NTNG1: variants seen among roughly 807,000 people sequenced by gnomAD.
The protein encoded by NTNG1 is netrin G1, also known as netrin-G1.
NTNG1 carries 16 observed loss-of-function variants against 54.0 expected under a neutral mutation model. That is an observed-to-expected ratio of 0.30 (90% CI 0.20 to 0.45). The LOEUF (loss-of-function observed/expected upper bound fraction) is 0.45. Among genes scored for constraint, NTNG1 ranks in the 20% least tolerant of loss-of-function variants. The probability of loss-of-function intolerance (pLI) is 1.00; values close to 1 mark genes in which losing one functional copy is unlikely to be tolerated. For missense variants in NTNG1, 530 were observed against 678.7 expected (o/e 0.78, Z 2.43); for synonymous variants, 255 against 263.1 (o/e 0.97, Z 0.30).
chr1:107,447,181 A>T (rs1352615927), intron 7 of NTNG1, among the ~76,000 whole-genome samples: 1 of 152,120 alleles, frequency 6.6e-6, no homozygotes, highest in African/African-American at 2.4e-5. Context: ...TAAGACATAC[A>T]TTTAGGCCTC....
At position 107,467,612 on chromosome 1, in the gene NTNG1, A is replaced by C. The variant is rs191855196; in HGVS notation, c.1391-12999A>C. 7.0e-3 allele frequency among the ~76,000 whole-genome samples: 1,063 copies of C among 152,284 alleles called. 7 individuals are homozygous for C. Among genetic ancestry groups the C allele is most frequent in the Non-Finnish European group, 0.011 (727 of 68,014 alleles). ...ATTGAAATCCAGACTTCTGGACACCACCACAGTAAATGATCAAGTACTAAA... is the reference window on the plus strand; with the variant it reads ...ATTGAAATCCAGACTTCTGGACACCCCCACAGTAAATGATCAAGTACTAAA... On this transcript the variant is annotated intron_variant, in intron 7 of 7. Coordinates refer to ENST00000370068, the MANE Select transcript of NTNG1 (RefSeq NM_001113226.3).
At chr1:107,177,961 T>G (rs879579995) in intron 2 of NTNG1, among the ~76,000 whole-genome samples, 2 of 152,138 alleles carry the variant, frequency 1.3e-5, no homozygotes, top group Admixed American at 1.3e-4. Context: ...ACCCTCCCAT[T>G]ATAGTAAGTT....
chr1:107,435,988 G>A (rs1213160660), intron 6 of NTNG1, among the ~76,000 whole-genome samples: 1 of 152,112 alleles, frequency 6.6e-6, no homozygotes, highest in Non-Finnish European at 1.5e-5. Flanking sequence ...GTATTGTCCT[G>A]CCAGCAGACA....
At chr1:107,310,039 A>G (rs952232655) in intron 2 of NTNG1, among the ~76,000 whole-genome samples, 1 of 152,158 alleles carries the variant, frequency 6.6e-6, no homozygotes, top group African/African-American at 2.4e-5. Flanking sequence ...ATGAAATGAC[A>G]AATAGAAAGC....
In NTNG1 at chr1:107,148,509, GTA is replaced by G; in HGVS notation, c.-77_-76del. The G allele has an allele frequency of 8.1e-7, 1 of 1,234,992 alleles. No individual in the cohort carries two copies. The highest frequency in any genetic ancestry group is 2.3e-5 in the East Asian group (1 of 43,022). 76.5% of individuals were successfully genotyped at this position (1,234,992 alleles called of 1,614,324 possible). On this transcript the variant is annotated 5_prime_UTR_variant, in exon 2 of 8. The change creates a new upstream start codon in the 5' untranslated region. Coordinates refer to ENST00000370068, the MANE Select transcript of NTNG1 (RefSeq NM_001113226.3). ...TACCCGTACGCATACATACATATGT[GTA>G]TATATATGTAAACTAGACAAAGATC...
At chr1:107,335,421 G>A (rs1005547424) in intron 3 of NTNG1, among the ~76,000 whole-genome samples, 1 of 151,922 alleles carries the variant, frequency 6.6e-6, no homozygotes, top group African/African-American at 2.4e-5. Context: ...GAGGAGACAT[G>A]GAAACAGGCA....
chr1:107,166,771 T>C (rs1016172432), intron 2 of NTNG1, among the ~76,000 whole-genome samples: 16 of 152,054 alleles, frequency 1.1e-4, no homozygotes, highest in African/African-American at 3.9e-4. Flanking sequence ...CTTAATAACA[T>C]ACCAGACCCT....
intron 2 of NTNG1, among the ~76,000 whole-genome samples, chr1:107,200,328 C>A (rs1441888276): frequency 6.6e-6 from 1 of 151,828 alleles, no homozygotes; most frequent in East Asian, 1.9e-4. Flanking sequence ...TATAACATTT[C>A]TTGTTAATAA....
At chr1:107,380,822 T>C (rs1671598962) in intron 3 of NTNG1, among the ~76,000 whole-genome samples, 2 of 152,178 alleles carry the variant, frequency 1.3e-5, no homozygotes, top group Admixed American at 1.3e-4. Flanking sequence ...AAGAAGCTCA[T>C]AGTCCTGGTT....
At chr1:107,409,732 C>A (rs1003732242) in intron 5 of NTNG1, 12 of 152,108 alleles carry the variant, frequency 7.9e-5, no homozygotes, top group African/African-American at 2.7e-4. Flanking sequence ...TGGGTATTTT[C>A]TCAGATTTCC....
intron 3 of NTNG1, among the ~76,000 whole-genome samples, chr1:107,377,878 G>C (rs748007584): frequency 5.9e-5 from 9 of 152,172 alleles, no homozygotes; most frequent in Non-Finnish European, 1.3e-4. Flanking sequence ...TATTTCACAG[G>C]ATCAGGGCAT....
chr1:107,459,769 C>A (rs542282323), intron 7 of NTNG1, among the ~76,000 whole-genome samples: 1 of 152,234 alleles, frequency 6.6e-6, no homozygotes, highest in African/African-American at 2.4e-5. Flanking sequence ...GTTGCTCAAA[C>A]GAGCTGTCCC....
At chr1:107,479,161 G>A (rs1322337279) in intron 7 of NTNG1, among the ~76,000 whole-genome samples, 1 of 152,180 alleles carries the variant, frequency 6.6e-6, no homozygotes, top group Non-Finnish European at 1.5e-5. Flanking sequence ...GGTCACCAAG[G>A]AAATGTTGAG....
At chr1:107,197,530 G>C (rs1658431557) in intron 2 of NTNG1, among the ~76,000 whole-genome samples, 1 of 151,946 alleles carries the variant, frequency 6.6e-6, no homozygotes, top group Non-Finnish European at 1.5e-5. Flanking sequence ...ATATGGAAGG[G>C]TCTTCAGATG....
intron 7 of NTNG1, among the ~76,000 whole-genome samples, chr1:107,438,639 A>G (rs1675758985): frequency 6.6e-6 from 1 of 152,192 alleles, no homozygotes; most frequent in Non-Finnish European, 1.5e-5. Context: ...AAGATCTCAT[A>G]TAAAGCTCCT....
intron 5 of NTNG1, among the ~76,000 whole-genome samples, chr1:107,423,222 T>A (rs1001553028): frequency 3.3e-5 from 5 of 152,138 alleles, no homozygotes; most frequent in African/African-American, 1.2e-4. Context: ...ACATATATAG[T>A]ATTTTTTCTA....
chr1:107,397,797 A>G (rs2101100546), intron 4 of NTNG1, among the ~76,000 whole-genome samples: 1 of 151,316 alleles, frequency 6.6e-6, no homozygotes, highest in African/African-American at 2.4e-5. Flanking sequence ...TTTCTTCCCC[A>G]GATTAACCAT....
chr1:107,299,558 C>T (rs1666197776), intron 2 of NTNG1, among the ~76,000 whole-genome samples: 1 of 152,150 alleles, frequency 6.6e-6, no homozygotes. Flanking sequence ...AGGGTAAGTA[C>T]TCTGACTATC....
chr1:107,420,071 T>C (rs1280281484), intron 5 of NTNG1, among the ~76,000 whole-genome samples: 1 of 152,058 alleles, frequency 6.6e-6, no homozygotes, highest in Non-Finnish European at 1.5e-5. Context: ...TTGAATTTCA[T>C]AGTTCACAAA....
Sources: allele counts gnomAD v4.1 joint callset (sites outside exome capture counted in the v4.1 genomes callset), GRCh38; gene constraint gnomAD v4.1.1; transcripts MANE v1.5; gene names NCBI Gene and HGNC (gene_info 2026-07-23, HGNC 2026-07-21).